The following ZEB1 variants were observed in gnomAD, a reference collection of about 807,000 sequenced individuals.
ZEB1 encodes the protein zinc finger E-box-binding homeobox 1.
A neutral mutation model predicts 84.9 loss-of-function variants in ZEB1; 21 were observed. That is an observed-to-expected ratio of 0.25 (90% CI 0.18 to 0.36). The LOEUF (loss-of-function observed/expected upper bound fraction) is 0.36. ZEB1 is among the 10% of genes least tolerant of loss of function. The pLI, the probability that ZEB1 is intolerant of heterozygous loss-of-function variation, is 1.00. For missense variants in ZEB1, 1,104 were observed against 1,330.2 expected, an observed-to-expected ratio of 0.83 and a Z score of 2.65; for synonymous variants, 420 against 471.1, an observed-to-expected ratio of 0.89 and a Z score of 1.41.
rs2046851430 is a variant in ZEB1, at chr10:31,377,486, A to G, written c.58+58194A>G. Among the ~76,000 whole-genome samples the G allele has an allele frequency of 3.3e-5, 5 of 151,716 alleles. No individual in the cohort carries two copies. In the South Asian group the frequency reaches 1.0e-3, roughly 31 times the overall value. ...GTGTATACACACATGGCCATCCAAT[A>G]TTTCTTTCCCAAATTGAAATGAGAG... On this transcript the variant is annotated intron_variant, in intron 1 of 8. Transcript: ENST00000424869.
intron 2 of ZEB1, among the ~76,000 whole-genome samples, chr10:31,469,370 C>T (rs960742380): frequency 6.6e-6 from 1 of 152,070 alleles, no homozygotes; most frequent in African/African-American, 2.4e-5. Context: ...ATGCGTGAGC[C>T]GAAGCAGGGT....
chr10:31,527,043 G>A lies in ZEB1; in HGVS notation c.3157G>A (p.Glu1053Lys). 6.3e-7 allele frequency: 1 copy of A among 1,584,796 alleles called. No individual in the cohort carries two copies. Among genetic ancestry groups the A allele is most frequent in the Admixed American group, 1.8e-5 (1 of 55,520 alleles). Residue 1053 changes from glutamate (E) to lysine (K), a missense_variant, in exon 9 of 9, where the codon GAA becomes AAA. Transcript: ENST00000424869. The stretch of plus-strand genomic sequence containing the variant: ...GGATAAAGAGATGGAAGAATTGCAG[G>A]AAGAAAAAGAATGTGAAAAACCACA... ...EEDKEMEELQ[E>K]EKECEKPQGD...
intron 1 of ZEB1, among the ~76,000 whole-genome samples, chr10:31,354,764 A>G (rs1015160815): frequency 6.6e-6 from 1 of 152,222 alleles, no homozygotes; most frequent in African/African-American, 2.4e-5. Flanking sequence ...TTCATTAAAC[A>G]TAATTCAGCC....
intron 1 of ZEB1, among the ~76,000 whole-genome samples, chr10:31,342,697 TC>T (rs2039614037): frequency 6.6e-6 from 1 of 152,180 alleles, no homozygotes; most frequent in Non-Finnish European, 1.5e-5. Context: ...CTTTCTTATT[TC>T]AATTCTAGCT....
rs757633966 is a variant in ZEB1 at position 31,491,997 on chromosome 10, C to T, written c.260-3779C>T. On this transcript the variant is annotated intron_variant, in intron 2 of 8. Coordinates refer to ENST00000424869, the MANE Select transcript of ZEB1 (RefSeq NM_001174096.2). ...CTGAATTTAGGAATCTGTTGGCATT[C>T]GCTTTTTTGATAGTTTTCCCTTAGC... 4.6e-5 allele frequency among the ~76,000 whole-genome samples: 7 copies of T among 152,022 alleles called. No individual in the cohort carries two copies. The South Asian group carries it at 6.2e-4, about 14-fold the overall frequency.
chr10:31,412,585 C>G (rs1162853158), intron 1 of ZEB1, among the ~76,000 whole-genome samples: 1 of 152,190 alleles, frequency 6.6e-6, no homozygotes, highest in Non-Finnish European at 1.5e-5. Context: ...CAGAGGACGT[C>G]AATTCATCCT....
At chr10:31,517,383 C>G (rs1328668776) in intron 6 of ZEB1, among the ~76,000 whole-genome samples, 1 of 151,640 alleles carries the variant, frequency 6.6e-6, no homozygotes, top group Non-Finnish European at 1.5e-5. Flanking sequence ...AGATTAGAGA[C>G]AAAAGAACAC....
chr10:31,459,815 C>T (rs1198118771), intron 1 of ZEB1, among the ~76,000 whole-genome samples: 2 of 141,056 alleles, frequency 1.4e-5, no homozygotes, highest in Non-Finnish European at 3.1e-5. Context: ...GTATTTCTTC[C>T]TTCGTGTTCT....
chr10:31,528,732 T>C lies in ZEB1; in HGVS notation c.*1468T>C, dbSNP rs1057267484. 6.6e-6 allele frequency: 1 copy of C among 152,166 alleles called. No homozygotes were observed. The highest frequency in any genetic ancestry group is 1.5e-5 in the Non-Finnish European group (1 of 68,030). The allele number at this position is 152,166 out of a possible 1,614,324, so 9.4% of individuals were successfully genotyped here. ...CAATAATATATTTTAGTATGAAAAT[T>C]TGGAAAGTTGATAAGATTTAAAGTA... On this transcript the variant is annotated 3_prime_UTR_variant, in exon 9 of 9. Coordinates refer to ENST00000424869, the MANE Select transcript of ZEB1 (RefSeq NM_001174096.2).
intron 1 of ZEB1, among the ~76,000 whole-genome samples, chr10:31,364,011 G>T (rs2043936304): frequency 6.6e-6 from 1 of 152,230 alleles, no homozygotes; most frequent in African/African-American, 2.4e-5. Context: ...AGGACCTGCG[G>T]CAGAACCAGG....
intron 2 of ZEB1, among the ~76,000 whole-genome samples, chr10:31,477,148 A>G (rs770256589): frequency 4.6e-5 from 7 of 152,002 alleles, no homozygotes; most frequent in Non-Finnish European, 8.8e-5. Context: ...ACATGCCCCC[A>G]TACCTAGAAA....
At chr10:31,321,856 A>G (rs2034160521) in intron 1 of ZEB1, 3 of 346,896 alleles carry the variant, frequency 8.6e-6, no homozygotes, top group South Asian at 4.2e-5. Context: ...GTGCAGGTAG[A>G]AAAAAAGATG....
intron 1 of ZEB1, among the ~76,000 whole-genome samples, chr10:31,411,902 C>T (rs901422463): frequency 3.3e-5 from 5 of 152,074 alleles, no homozygotes; most frequent in Non-Finnish European, 7.4e-5. Context: ...GAGGGAATTG[C>T]TTAAGTTCAT....
At chr10:31,485,493 T>C (rs1329404986) in intron 2 of ZEB1, among the ~76,000 whole-genome samples, 1 of 151,900 alleles carries the variant, frequency 6.6e-6, no homozygotes, top group Non-Finnish European at 1.5e-5. Flanking sequence ...ACTCATAAGA[T>C]TTCTGGATCT....
chr10:31,376,402 T>G (rs2134631943), intron 1 of ZEB1, among the ~76,000 whole-genome samples: 1 of 151,914 alleles, frequency 6.6e-6, no homozygotes. Flanking sequence ...AAAAAGTTCT[T>G]ATTATTTGTA....
At chr10:31,413,370 CTT>C (rs1554848195) in intron 1 of ZEB1, among the ~76,000 whole-genome samples, 2 of 152,134 alleles carry the variant, frequency 1.3e-5, no homozygotes, top group East Asian at 1.9e-4. Flanking sequence ...CCTAGGGAAA[CTT>C]TTCACAGGAG....
At chr10:31,336,701 C>A (rs775496365) in intron 1 of ZEB1, among the ~76,000 whole-genome samples, 2 of 152,176 alleles carry the variant, frequency 1.3e-5, no homozygotes, top group African/African-American at 4.8e-5. Flanking sequence ...AGAATAAACT[C>A]GTTTGGCCAA....
At position 31,514,596 on chromosome 10, in the gene ZEB1, C is replaced by T. The variant is rs959653762; in HGVS notation, c.688-7C>T. The T allele has an allele frequency of 2.5e-6, 4 of 1,610,378 alleles. No individual in the cohort carries two copies. The highest frequency in any genetic ancestry group is 3.3e-5 in the Admixed American group (2 of 59,876). On this transcript the variant is annotated splice_polypyrimidine_tract_variant and splice_region_variant and intron_variant, in intron 5 of 8. Transcript: ENST00000424869. Reference sequence around the variant, plus strand: ...TTTCAAATAAAATACCAGTTCTTTTCTTACAGAGACATGTGACGCAGTCTG... The same window carrying T: ...TTTCAAATAAAATACCAGTTCTTTTTTTACAGAGACATGTGACGCAGTCTG...
At chr10:31,486,174 G>A (rs1225971392) in intron 2 of ZEB1, among the ~76,000 whole-genome samples, 1 of 151,768 alleles carries the variant, frequency 6.6e-6, no homozygotes, top group African/African-American at 2.4e-5. Context: ...GAGATTATGA[G>A]TAAAGTTGCT....
Sources: gnomAD v4.1 joint callset for allele counts (sites outside exome capture counted in the v4.1 genomes callset) on GRCh38, gnomAD v4.1.1 for gene constraint, MANE v1.5 for transcripts, NCBI Gene and HGNC (gene_info 2026-07-23, HGNC 2026-07-21) for gene names.